CGNL1: variants seen among roughly 807,000 people sequenced by gnomAD.
CGNL1 encodes the protein cingulin-like protein 1.
CGNL1 carries 132 observed loss-of-function variants against 141.2 expected under a neutral mutation model. The ratio of observed to expected loss-of-function variants is 0.93; its 90% CI spans 0.81 to 1.08. The LOEUF (loss-of-function observed/expected upper bound fraction) is 1.08, where lower values mean the gene tolerates loss of function less well. Ranked by LOEUF, CGNL1 falls within the 50% of genes least tolerant of loss-of-function variation. CGNL1 has a pLI of 0.00. For synonymous variants in CGNL1, 690 were observed against 622.1 expected, an observed-to-expected ratio of 1.11 and a Z score of -1.63; for missense variants, 1,870 against 1,588.6, an observed-to-expected ratio of 1.18 and a Z score of -3.01.
At chr15:57,476,139 G>A (rs1458315284) in intron 8 of CGNL1, among the ~76,000 whole-genome samples, 1 of 152,184 alleles carries the variant, frequency 6.6e-6, no homozygotes, top group Non-Finnish European at 1.5e-5. Flanking sequence ...CCAGTTCGGT[G>A]TGGGGCATGA....
intron 17 of CGNL1, 120 bp from the exon 18 acceptor site, chr15:57,545,956 C>T (rs1339327007): frequency 1.8e-6 from 2 of 1,123,504 alleles, no homozygotes; most frequent in East Asian, 4.9e-5. Context: ...TCCCAAGAGA[C>T]TGGCTGCCCC....
At chr15:57,443,431 G>C (rs1256540702) in intron 4 of CGNL1, among the ~76,000 whole-genome samples, 1 of 152,214 alleles carries the variant, frequency 6.6e-6, no homozygotes, top group Non-Finnish European at 1.5e-5. Flanking sequence ...CCTCCCAGGG[G>C]AGTTCTGCAT....
At position 57,438,704 on chromosome 15, in the gene CGNL1, A is replaced by T; in HGVS notation, c.705A>T (p.Val235=). The T allele has an allele frequency of 6.2e-7, 1 of 1,614,186 alleles. No individual in the cohort carries two copies. The highest frequency in any genetic ancestry group is 1.1e-5 in the South Asian group (1 of 91,078). ...EDPKKQTSVC[V]NVQSCTKERV... is the part of the protein sequence containing the mutation. Reference sequence around the variant, plus strand: ...CCAAAAAGCAGACCTCAGTGTGTGTAAACGTTCAGAGCTGCACCAAGGAGA... The same window carrying T: ...CCAAAAAGCAGACCTCAGTGTGTGTTAACGTTCAGAGCTGCACCAAGGAGA... The change falls in exon 2 of 19, where the codon GTA becomes GTT. Residue 235 remains valine (V), a synonymous_variant. Transcript: ENST00000281282.
intron 8 of CGNL1, among the ~76,000 whole-genome samples, chr15:57,500,133 G>A (rs1318777): frequency 9.2e-5 from 14 of 152,160 alleles, no homozygotes; most frequent in East Asian, 7.7e-4. Context: ...AATCTTTGGG[G>A]TTGAGAAGGA....
chr15:57,494,921 C>T (rs979485135), intron 8 of CGNL1, among the ~76,000 whole-genome samples: 1 of 152,224 alleles, frequency 6.6e-6, no homozygotes, highest in Non-Finnish European at 1.5e-5. Flanking sequence ...AGCTCCTCTT[C>T]TCTGCATGCA....
At chr15:57,426,245 A>G (rs1303387754) in intron 1 of CGNL1, among the ~76,000 whole-genome samples, 3 of 152,050 alleles carry the variant, frequency 2.0e-5, no homozygotes, top group Non-Finnish European at 2.9e-5. Context: ...CCCAGGTTCA[A>G]GGGATTCTCC....
Position 57,544,566 on chromosome 15 carries a change from G to C in CGNL1, c.3469G>C (p.Glu1157Gln), listed in dbSNP as rs1185953469. ...LVVQMEARIA[E>Q]LEDRLESEER... ...TGTGCAGATGGAGGCCAGGATCGCG[G>C]AGCTGGAGGACCGCCTGGAGAGTGA... Residue 1157 changes from glutamate to glutamine, a missense_variant, in exon 16 of 19, where the codon GAG becomes CAG. Physicochemically the swap from Glu to Gln is conservative, Grantham distance 29. Coordinates refer to ENST00000281282, the MANE Select transcript of CGNL1 (RefSeq NM_032866.5). The C allele has an allele frequency of 3.8e-6, 6 of 1,599,098 alleles. No homozygotes were observed. In the South Asian group the frequency reaches 5.7e-5, roughly 15 times the overall value.
At chr15:57,471,594 A>G (rs1486626655) in intron 8 of CGNL1, among the ~76,000 whole-genome samples, 1 of 152,158 alleles carries the variant, frequency 6.6e-6, no homozygotes, top group Admixed American at 6.5e-5. Flanking sequence ...ACAGCTGAGG[A>G]GCTTGGTCGC....
chr15:57,528,582 G>A (rs2031758739), intron 12 of CGNL1, 72 bp from the exon 13 acceptor site: 1 of 1,517,398 alleles, frequency 6.6e-7, no homozygotes, highest in Non-Finnish European at 9.0e-7. Context: ...GGGTCAGCCT[G>A]TGCACTGTCT....
intron 1 of CGNL1, among the ~76,000 whole-genome samples, chr15:57,403,725 A>G (rs1415459215): frequency 2.4e-4 from 37 of 152,204 alleles, no homozygotes; most frequent in Non-Finnish European, 1.5e-5. Context: ...AAAATACTCA[A>G]TCTAAATAGA....
intron 1 of CGNL1, among the ~76,000 whole-genome samples, chr15:57,390,374 C>A (rs1264820950): frequency 2.6e-5 from 4 of 152,230 alleles, no homozygotes; most frequent in Admixed American, 6.5e-5. Flanking sequence ...CCTCTTAAAG[C>A]TTTGGTCTAT....
At chr15:57,502,893 G>A (rs1300809801) in intron 8 of CGNL1, among the ~76,000 whole-genome samples, 1 of 152,126 alleles carries the variant, frequency 6.6e-6, no homozygotes, top group Admixed American at 6.5e-5. Flanking sequence ...GTCACAGACC[G>A]ACCCAGGGGC....
chr15:57,508,622 G>A (rs1449569165), intron 8 of CGNL1, among the ~76,000 whole-genome samples: 13 of 152,226 alleles, frequency 8.5e-5, no homozygotes, highest in East Asian at 1.9e-4. Flanking sequence ...GCGCACAAGC[G>A]GCCTAACGCC....
chr15:57,509,864 C>T (rs1210242310), intron 8 of CGNL1, among the ~76,000 whole-genome samples: 1 of 152,180 alleles, frequency 6.6e-6, no homozygotes, highest in Non-Finnish European at 1.5e-5. Flanking sequence ...TTGAAGCATG[C>T]TGTTTGGCTG....
At chr15:57,437,619 C>CAAAAAAAAAAAAAAAAAAAAAAAAAAAA (rs540499763) in intron 1 of CGNL1, among the ~76,000 whole-genome samples, 4 of 36,086 alleles carry the variant, frequency 1.1e-4, no homozygotes, top group African/African-American at 2.4e-4. Flanking sequence ...AACTAAACAG[C>CAAAAAAAAAAAAAAAAAAAAAAAAAAAA]AAAAAAAAAA....
At chr15:57,460,932 G>A (rs549021235) in intron 7 of CGNL1, among the ~76,000 whole-genome samples, 2 of 152,236 alleles carry the variant, frequency 1.3e-5, no homozygotes, top group African/African-American at 2.4e-5. Flanking sequence ...GGGTTGAGGT[G>A]GAGAGGGAGC....
chr15:57,505,473 G>T (rs1232463658), intron 8 of CGNL1, among the ~76,000 whole-genome samples: 2 of 152,144 alleles, frequency 1.3e-5, no homozygotes, highest in Non-Finnish European at 2.9e-5. Context: ...TATTGACCCA[G>T]GTAGCCTGGC....
chr15:57,541,900 A>G (rs2032584521), intron 14 of CGNL1, among the ~76,000 whole-genome samples: 1 of 152,046 alleles, frequency 6.6e-6, no homozygotes, highest in Non-Finnish European at 1.5e-5. Context: ...ACCACCTGGT[A>G]CCCCCTCACC....
chr15:57,469,490 G>A (rs1186273755), intron 8 of CGNL1, among the ~76,000 whole-genome samples: 1 of 151,782 alleles, frequency 6.6e-6, no homozygotes, highest in Non-Finnish European at 1.5e-5. Flanking sequence ...GCCACATCCA[G>A]TGACAGGAAA....
Sources: gnomAD v4.1 joint callset for allele counts (sites outside exome capture counted in the v4.1 genomes callset) on GRCh38, gnomAD v4.1.1 for gene constraint, MANE v1.5 for transcripts, NCBI Gene and HGNC (gene_info 2026-07-23, HGNC 2026-07-21) for gene names.